The following FAT3 variants were observed in gnomAD, a reference collection of about 807,000 sequenced individuals.
FAT3 encodes the protein FAT atypical cadherin 3, also known as protocadherin Fat 3.
Under a neutral mutation model 310.2 loss-of-function variants are expected in FAT3, and 95 were observed. That is an observed-to-expected ratio of 0.31 (90% CI 0.26 to 0.36). The LOEUF is 0.36. Among genes scored for constraint, FAT3 ranks in the 10% least tolerant of loss-of-function variants. The pLI is 1.00. For synonymous variants in FAT3, 2,314 were observed against 2,192.9 expected (o/e 1.06, Z -1.54); for missense variants, 5,408 against 5,715.6 (o/e 0.95, Z 1.74).
intron 2 of FAT3, among the ~76,000 whole-genome samples, chr11:92,500,572 C>T (rs1306214112): frequency 6.6e-6 from 1 of 152,040 alleles, no homozygotes; most frequent in Non-Finnish European, 1.5e-5. Flanking sequence ...TCCCTGGAAA[C>T]ATCCTTCTTG....
intron 4 of FAT3, among the ~76,000 whole-genome samples, chr11:92,708,278 A>G (rs1944417546): frequency 6.6e-6 from 1 of 152,248 alleles, no homozygotes; most frequent in African/African-American, 2.4e-5. Context: ...ACAATTATTC[A>G]ATCAAACAGT....
chr11:92,350,535 A>C (rs1948537162), intron 1 of FAT3, among the ~76,000 whole-genome samples: 1 of 152,050 alleles, frequency 6.6e-6, no homozygotes. Context: ...TAATTATTTC[A>C]TTCTTGCTTG....
intron 4 of FAT3, among the ~76,000 whole-genome samples, chr11:92,746,124 A>G (rs1945659426): frequency 6.6e-6 from 1 of 152,206 alleles, no homozygotes; most frequent in Non-Finnish European, 1.5e-5. Flanking sequence ...CTTTTTAGGC[A>G]AAATGTAAGT....
intron 2 of FAT3, among the ~76,000 whole-genome samples, chr11:92,412,855 C>A (rs1264340195): frequency 1.3e-5 from 2 of 150,724 alleles, no homozygotes; most frequent in Non-Finnish European, 3.0e-5. Flanking sequence ...TACCCCCCTA[C>A]ACACACATGC....
intron 2 of FAT3, among the ~76,000 whole-genome samples, chr11:92,469,983 A>C (rs1951866063): frequency 6.6e-6 from 1 of 152,208 alleles, no homozygotes; most frequent in Non-Finnish European, 1.5e-5. Flanking sequence ...TCATGCTCCA[A>C]TTCCAAGTGC....
chr11:92,324,612 C>G (rs986289146), intron 1 of FAT3, among the ~76,000 whole-genome samples: 1 of 152,112 alleles, frequency 6.6e-6, no homozygotes, highest in Non-Finnish European at 1.5e-5. Flanking sequence ...ACCACCCTAA[C>G]AGATATAATA....
intron 4 of FAT3, among the ~76,000 whole-genome samples, chr11:92,715,415 TAAAA>T (rs1052094315): frequency 1.2e-4 from 18 of 150,708 alleles, no homozygotes; most frequent in African/African-American, 4.1e-4. Flanking sequence ...CTCAAAAAAA[TAAAA>T]AAATAAATAA....
rs1429315955 is a variant in FAT3, at chr11:92,354,806, C to T, written c.2694C>T (p.Ala898=). 6.2e-7 allele frequency: 1 copy of T among 1,613,898 alleles called. No homozygotes were observed. The highest frequency in any genetic ancestry group is 8.5e-7 in the Non-Finnish European group (1 of 1,179,870). ...ACCAGTTGGACCGGGAATCCAAAGC[C>T]AATTATTCTTTGAAAATAGAAGCCA... is the stretch of plus-strand genomic sequence containing the variant. ...VADQLDRESK[A]NYSLKIEARD... Residue 898 remains alanine (A), a synonymous_variant, in exon 2 of 28, where the codon GCC becomes GCT. Coordinates refer to ENST00000525166, the MANE Select transcript of FAT3 (RefSeq NM_001367949.2).
chr11:92,530,013 T>C (rs754424207), intron 3 of FAT3, among the ~76,000 whole-genome samples: 2 of 152,250 alleles, frequency 1.3e-5, no homozygotes, highest in Admixed American at 6.5e-5. Flanking sequence ...CCTCAAATTC[T>C]ACCTTTAAGT....
chr11:92,489,902 T>TA (rs985261648), intron 2 of FAT3, among the ~76,000 whole-genome samples: 1 of 150,994 alleles, frequency 6.6e-6, no homozygotes, highest in African/African-American at 2.4e-5. Context: ...TTTTTTTTTT[T>TA]ACTTTCTCCC....
Position 92,832,110 on chromosome 11 carries a change from C to T in FAT3, c.9871+99C>T, listed in dbSNP as rs1046837208. ...CTTTGGGAGGCTGAGGCAAGAAGAT[C>T]GAGTGAGTCCAGGAGTTCAGGACTA... On this transcript the variant is annotated intron_variant, in intron 14 of 27. Transcript: ENST00000525166. The T allele has an allele frequency of 3.2e-5, 43 of 1,331,608 alleles. 1 individual carries two copies. The Admixed American group carries it at 6.0e-4, about 19-fold the overall frequency. 82.5% of individuals were successfully genotyped at this position (1,331,608 alleles called of 1,614,324 possible).
At chr11:92,505,623 T>TTTA (rs1461792020) in intron 2 of FAT3, among the ~76,000 whole-genome samples, 3 of 152,186 alleles carry the variant, frequency 2.0e-5, no homozygotes, top group Non-Finnish European at 4.4e-5. Flanking sequence ...TTTAATTAAA[T>TTTA]ATTGCTTTTA....
At chr11:92,543,373 T>C (rs1954514049) in intron 3 of FAT3, among the ~76,000 whole-genome samples, 1 of 152,190 alleles carries the variant, frequency 6.6e-6, no homozygotes, top group Admixed American at 6.6e-5. Flanking sequence ...TATTATGTGA[T>C]AGATATGCCA....
At chr11:92,746,241 C>A (rs1945663415) in intron 4 of FAT3, among the ~76,000 whole-genome samples, 1 of 152,178 alleles carries the variant, frequency 6.6e-6, no homozygotes, top group African/African-American at 2.4e-5. Flanking sequence ...TTAATTAAGT[C>A]AAGTTCCACA....
At chr11:92,445,750 G>T (rs1213766413) in intron 2 of FAT3, among the ~76,000 whole-genome samples, 1 of 152,108 alleles carries the variant, frequency 6.6e-6, no homozygotes. Flanking sequence ...TTGGGGGGGT[G>T]CAGGGGAGCA....
At chr11:92,284,328 A>G (rs1946507738) in intron 1 of FAT3, among the ~76,000 whole-genome samples, 1 of 151,852 alleles carries the variant, frequency 6.6e-6, no homozygotes, top group Non-Finnish European at 1.5e-5. Context: ...GGGGTTCACA[A>G]TGGGAGAAAA....
intron 3 of FAT3, among the ~76,000 whole-genome samples, chr11:92,649,580 C>G (rs2135753251): frequency 6.6e-6 from 1 of 152,192 alleles, no homozygotes; most frequent in East Asian, 1.9e-4. Flanking sequence ...TGGAAAGATT[C>G]TCCCCAAAGT....
At chr11:92,377,407 C>T (rs1949376702) in intron 2 of FAT3, among the ~76,000 whole-genome samples, 1 of 152,146 alleles carries the variant, frequency 6.6e-6, no homozygotes, top group African/African-American at 2.4e-5. Context: ...TAAGTTCTGA[C>T]TCCATGTTGT....
intron 3 of FAT3, among the ~76,000 whole-genome samples, chr11:92,635,041 A>G (rs1227383617): frequency 1.3e-5 from 2 of 152,162 alleles, no homozygotes; most frequent in African/African-American, 4.8e-5. Flanking sequence ...ATACCTTGAT[A>G]TCGGACTTCT....
Sources: gnomAD v4.1 joint callset for allele counts (sites outside exome capture counted in the v4.1 genomes callset) on GRCh38, gnomAD v4.1.1 for gene constraint, MANE v1.5 for transcripts, NCBI Gene and HGNC (gene_info 2026-07-23, HGNC 2026-07-21) for gene names.